Variants in CACNA1E observed in about 807,000 individuals in gnomAD.
CACNA1E encodes calcium voltage-gated channel subunit alpha1 E, also known as voltage-dependent R-type calcium channel subunit alpha-1E.
In CACNA1E, 40 loss-of-function variants were observed where a neutral mutation model predicts 259.2. That is an observed-to-expected ratio of 0.15 (90% CI 0.12 to 0.20). CACNA1E has a LOEUF of 0.20. Among genes scored for constraint, CACNA1E ranks in the 10% least tolerant of loss-of-function variants. The pLI, the probability that CACNA1E is intolerant of heterozygous loss-of-function variation, is 1.00. For synonymous variants in CACNA1E, 1,104 were observed against 1,138.5 expected (o/e 0.97, Z 0.61); for missense variants, 1,874 against 3,040.1 (o/e 0.62, Z 9.02).
intron 7 of CACNA1E, among the ~76,000 whole-genome samples, chr1:181,703,734 C>T (rs1043302029): frequency 5.9e-5 from 9 of 152,116 alleles, no homozygotes; most frequent in African/African-American, 1.9e-4. Context: ...CTAGGTCTGC[C>T]GCCACCGCCC....
At chr1:181,737,838 C>T (rs1003185713) in intron 23 of CACNA1E, among the ~76,000 whole-genome samples, 184 bp downstream of exon 23, 3 of 152,216 alleles carry the variant, frequency 2.0e-5, no homozygotes, top group African/African-American at 7.2e-5. Flanking sequence ...CTTAGCCCAA[C>T]ATACTACAAG....
intron 1 of CACNA1E, among the ~76,000 whole-genome samples, chr1:181,362,487 C>T (rs1653958948): frequency 6.6e-6 from 1 of 152,224 alleles, no homozygotes; most frequent in Admixed American, 6.5e-5. Flanking sequence ...TCAGCTTCTC[C>T]AGACCTCAGT....
chr1:181,670,106 A>G (rs1000349596), intron 7 of CACNA1E, among the ~76,000 whole-genome samples: 2 of 152,202 alleles, frequency 1.3e-5, no homozygotes, highest in Non-Finnish European at 2.9e-5. Context: ...CCTCATAATA[A>G]TTGGCTTTGC....
intron 7 of CACNA1E, among the ~76,000 whole-genome samples, chr1:181,653,821 A>G (rs1398531517): frequency 1.3e-5 from 2 of 152,230 alleles, no homozygotes; most frequent in Non-Finnish European, 2.9e-5. Context: ...ATAAAGTAAC[A>G]TTCACATGTT....
In CACNA1E at chr1:181,798,474, G is replaced by A. The variant is rs753591801; in HGVS notation, c.6582G>A (p.Pro2194=). 1.5e-5 allele frequency: 24 copies of A among 1,613,662 alleles called. No individual in the cohort carries two copies. Among genetic ancestry groups the A allele is most frequent in the Admixed American group, 1.2e-4 (7 of 60,004 alleles). ...PPADGSEEGS[P]LTSQALESNN... ...CTGATGGAAGCGAGGAGGGCTCCCC[G>A]CTGACCTCCCAAGCTCTGGAGAGCA... Residue 2194 remains proline, a synonymous_variant, in exon 48 of 48, where the codon CCG becomes CCA. Coordinates refer to ENST00000367573, the MANE Select transcript of CACNA1E (RefSeq NM_001205293.3). This position sits in a 1 kb window ranked among gnomAD's most constrained non-coding sequence, Gnocchi z 4.2.
chr1:181,456,316 A>G (rs192024011), intron 2 of CACNA1E, among the ~76,000 whole-genome samples: 31 of 152,284 alleles, frequency 2.0e-4, no homozygotes, highest in Non-Finnish European at 3.5e-4. Context: ...ATTAACCTAG[A>G]GAACATACCA....
intron 1 of CACNA1E, among the ~76,000 whole-genome samples, chr1:181,341,325 G>A (rs1571608769): frequency 6.6e-6 from 1 of 152,214 alleles, no homozygotes; most frequent in Non-Finnish European, 1.5e-5. Flanking sequence ...GATGTTTACT[G>A]CAGCAGCAGT....
At chr1:181,373,802 G>A (rs189319434) in intron 1 of CACNA1E, among the ~76,000 whole-genome samples, 1 of 152,206 alleles carries the variant, frequency 6.6e-6, no homozygotes, top group East Asian at 1.9e-4. Flanking sequence ...TGGGATTACA[G>A]GCATGGACCA....
At chr1:181,378,138 T>A (rs773453666) in intron 1 of CACNA1E, among the ~76,000 whole-genome samples, 3 of 152,230 alleles carry the variant, frequency 2.0e-5, no homozygotes, top group Non-Finnish European at 4.4e-5. Context: ...ACTTACAATT[T>A]GGAAGCTTGG....
At chr1:181,622,253 G>A (rs1202450596) in intron 6 of CACNA1E, among the ~76,000 whole-genome samples, 2 of 152,138 alleles carry the variant, frequency 1.3e-5, no homozygotes, top group East Asian at 3.9e-4. Flanking sequence ...TTGGAACTCT[G>A]GGAAGTCCAG....
At chr1:181,505,559 A>G (rs1046354367) in intron 1 of CACNA1E, among the ~76,000 whole-genome samples, 12 of 152,108 alleles carry the variant, frequency 7.9e-5, no homozygotes, top group South Asian at 2.1e-4. Flanking sequence ...TTTTTTTAGT[A>G]GAGATGGGGT....
chr1:181,522,433 T>G (rs148327658), intron 3 of CACNA1E, among the ~76,000 whole-genome samples: 1 of 152,340 alleles, frequency 6.6e-6, no homozygotes, highest in African/African-American at 2.4e-5. Context: ...TTAAAAATGC[T>G]TTGCTGAGAA....
chr1:181,786,026 C>T (rs982563339), intron 43 of CACNA1E, among the ~76,000 whole-genome samples: 1 of 152,192 alleles, frequency 6.6e-6, no homozygotes, highest in Admixed American at 6.5e-5. Flanking sequence ...CTGTGGTCAA[C>T]GTCGGTGATC....
chr1:181,704,897 C>T (rs992453455), intron 7 of CACNA1E, among the ~76,000 whole-genome samples: 2 of 152,162 alleles, frequency 1.3e-5, no homozygotes, highest in African/African-American at 2.4e-5. Context: ...ACATCTTCAT[C>T]GCTAGACAAG....
rs1047386876 is a variant in CACNA1E, at chr1:181,803,184, T to G, written c.*4350T>G. The G allele has an allele frequency of 4.6e-5, 7 of 152,260 alleles. No individual in the cohort carries two copies. The highest frequency in any genetic ancestry group is 6.8e-3 in the Middle Eastern group (2 of 292). 9.4% of individuals were successfully genotyped at this position (152,260 alleles called of 1,614,324 possible). ...CTCACCCAGCCTACAAGTCCTTCTC[T>G]CATAGATCCCAGAGCAATGGGCACC... is the stretch of plus-strand genomic sequence containing the variant. On this transcript the variant is annotated 3_prime_UTR_variant, in exon 48 of 48. Coordinates refer to ENST00000367573, the MANE Select transcript of CACNA1E (RefSeq NM_001205293.3).
chr1:181,436,305 C>T lies in CACNA1E; in HGVS notation c.434+22725C>T, dbSNP rs112971485. ...ACAGCCATTATGGAAAATAGTATGG[C>T]GGTTCTTTAAAAGCTAAAAACAGGA... On this transcript the variant is annotated intron_variant, in intron 2 of 11. Transcript: ENST00000524607. 5.8e-3 allele frequency among the ~76,000 whole-genome samples: 890 copies of T among 152,240 alleles called. 7 individuals carry two copies. The highest frequency in any genetic ancestry group is 0.02 in the African/African-American group (851 of 41,550).
At position 181,704,800 on chromosome 1, in the gene CACNA1E, C is replaced by T. The variant is rs150916888; in HGVS notation, c.1056-6154C>T. ...GTAAACAAAGCTCCCTGCATGGAGC[C>T]GGGAGGAGAGGTCTGGAGCGAGAGG... is the stretch of plus-strand genomic sequence containing the variant. On this transcript the variant is annotated intron_variant, in intron 7 of 47. Coordinates refer to ENST00000367573, the MANE Select transcript of CACNA1E (RefSeq NM_001205293.3). Among the ~76,000 whole-genome samples the T allele has an allele frequency of 7.9e-3, 1,206 of 152,168 alleles. 9 individuals are homozygous for T. Among genetic ancestry groups the T allele is most frequent in the Middle Eastern group, 0.02 (6 of 294 alleles).
rs549628193 is a variant in CACNA1E, at chr1:181,434,709, G to T, written c.434+21129G>T. The stretch of plus-strand genomic sequence containing the variant: ...TTCAATCAAAATTCAGAAGCAGGGA[G>T]CGCAGGGGGTTTGGTGTGGTGGGAG... On this transcript the variant is annotated intron_variant, in intron 2 of 11. Coordinates refer to the CACNA1E transcript ENST00000524607. Among the ~76,000 whole-genome samples, 214 of 152,326 alleles carry T rather than the reference G, an allele frequency of 1.4e-3. 1 individual carries two copies. The highest frequency in any genetic ancestry group is 2.3e-3 in the Non-Finnish European group (159 of 68,042).
chr1:181,399,131 A>G (rs906195024), intron 1 of CACNA1E, among the ~76,000 whole-genome samples: 1 of 151,708 alleles, frequency 6.6e-6, no homozygotes, highest in African/African-American at 2.4e-5. Flanking sequence ...CTGAAGTTGT[A>G]GGAGTTGATT....
Sources: gnomAD v4.1 joint callset for allele counts (sites outside exome capture counted in the v4.1 genomes callset) on GRCh38, gnomAD v4.1.1 for gene constraint, Gnocchi (gnomAD v3.1) non-coding constraint, MANE v1.5 for transcripts, NCBI Gene and HGNC (gene_info 2026-07-23, HGNC 2026-07-21) for gene names.